Variants in ARHGEF16 observed in about 807,000 individuals in gnomAD.
The protein encoded by ARHGEF16 is Rho guanine exchange factor (GEF) 16.
ARHGEF16 carries 59 observed loss-of-function variants against 74.1 expected under a neutral mutation model. The observed-to-expected ratio is 0.80, with a 90% CI of 0.65 to 0.99. ARHGEF16 has a LOEUF of 0.99. ARHGEF16 is among the 50% of genes least tolerant of loss of function. The probability of loss-of-function intolerance (pLI) is 0.00; values close to 1 mark genes in which losing one functional copy is unlikely to be tolerated. For synonymous variants in ARHGEF16, 415 were observed against 412.6 expected, an observed-to-expected ratio of 1.01 and a Z score of -0.07; for missense variants, 948 against 986.6, an observed-to-expected ratio of 0.96 and a Z score of 0.52.
In ARHGEF16 at chr1:3,480,508, C is replaced by T. The variant is rs1354823928; in HGVS notation, c.2051C>T (p.Ala684Val). ...GETGWFPEDF[A>V]RFITSRVAVE... The stretch of plus-strand genomic sequence containing the variant: ...ACGGGATGGTTCCCCGAGGACTTTG[C>T]CCGCTTCATCACCAGCCGTGTGGCC... The change falls in exon 15 of 15, where the codon GCC (alanine) becomes GTC (valine). Residue 684 changes from alanine (A) to valine (V), a missense_variant. By Grantham distance (64) the Ala-to-Val change is moderately conservative (BLOSUM62 0). Coordinates refer to ENST00000378378, the MANE Select transcript of ARHGEF16 (RefSeq NM_014448.4). 1 of 1,612,496 alleles carries T rather than the reference C, an allele frequency of 6.2e-7. No homozygotes were observed. The highest frequency in any genetic ancestry group is 8.5e-7 in the Non-Finnish European group (1 of 1,179,972).
At chr1:3,455,907 A>C (rs10909946) in intron 1 of ARHGEF16, among the ~76,000 whole-genome samples, 38,711 of 152,050 alleles carry the variant, frequency 0.25, 7,175 homozygotes, top group African/African-American at 0.52. Flanking sequence ...GCAGACGTGG[A>C]CCCTGCTGTG....
intron 12 of ARHGEF16, among the ~76,000 whole-genome samples, chr1:3,479,218 G>C (rs1409919479): frequency 6.6e-6 from 1 of 152,210 alleles, no homozygotes; most frequent in Non-Finnish European, 1.5e-5. Context: ...GGATGCTGAG[G>C]CTGAGTCTGT....
At position 3,475,996 on chromosome 1, in the gene ARHGEF16, C is replaced by T. The variant is rs1039054230; in HGVS notation, c.1407C>T (p.Ala469=). ...SKLVRQCNEG[A]HRMERMEQMY... The stretch of plus-strand genomic sequence containing the variant: ...TGGTGAGGCAGTGCAACGAGGGGGC[C>T]CACAGGATGGAGCGCATGGAGCAGA... Residue 469 remains alanine (A), a synonymous_variant, in exon 10 of 15, where the codon GCC becomes GCT. Transcript: ENST00000378378. The T allele has an allele frequency of 6.4e-7, 1 of 1,556,336 alleles. No homozygotes were observed. The highest frequency in any genetic ancestry group is 1.4e-5 in the African/African-American group (1 of 73,474).
intron 4 of ARHGEF16, among the ~76,000 whole-genome samples, chr1:3,467,669 G>T (rs998694557): frequency 6.6e-6 from 1 of 152,192 alleles, no homozygotes; most frequent in Non-Finnish European, 1.5e-5. Flanking sequence ...ATCTGCGTAG[G>T]GAGACAGCTG....
intron 5 of ARHGEF16, 48 bp from the exon 6 acceptor site, chr1:3,469,385 G>A (rs777534167): frequency 1.0e-5 from 16 of 1,602,318 alleles, no homozygotes; most frequent in Middle Eastern, 1.7e-4. Flanking sequence ...ACCGAGGCAC[G>A]CCCGTGTCCA....
Position 3,469,040 on chromosome 1 carries a change from G to C in ARHGEF16, c.861+104G>C. Reference sequence around the variant, plus strand: ...GGCACCACCCAGCCATCCCTCTGCGGCCACCTCCAGTGCCAGGCCCTGTCA... The same window carrying C: ...GGCACCACCCAGCCATCCCTCTGCGCCCACCTCCAGTGCCAGGCCCTGTCA... On this transcript the variant is annotated intron_variant, in intron 5 of 14. Transcript: ENST00000378378. 3.6e-6 allele frequency: 5 copies of C among 1,375,682 alleles called. No individual in the cohort carries two copies. The Middle Eastern group carries it at 7.4e-4, about 203-fold the overall frequency. 85.2% of individuals were successfully genotyped at this position (1,375,682 alleles called of 1,614,324 possible).
rs199967083 is a variant in ARHGEF16, at chr1:3,475,959, A to G, written c.1381-11A>G. The G allele has an allele frequency of 2.7e-3, 4,172 of 1,549,256 alleles. 4 individuals are homozygous for G. Among genetic ancestry groups the G allele is most frequent in the Non-Finnish European group, 3.4e-3 (3,926 of 1,146,282 alleles). On this transcript the variant is annotated splice_polypyrimidine_tract_variant and intron_variant, in intron 9 of 14. Transcript: ENST00000378378. ...AGCACCAGCCTCTCACACGGGAACC[A>G]TGCCCTGCAGCTGGTGAGGCAGTGC...
intron 14 of ARHGEF16, 123 bp from the exon 15 acceptor site, chr1:3,480,325 G>T: frequency 7.2e-7 from 1 of 1,380,846 alleles, no homozygotes; most frequent in Non-Finnish European, 9.8e-7. Flanking sequence ...TCTGCTCTGA[G>T]CAGGAGCAGG....
intron 6 of ARHGEF16, chr1:3,471,782 G>C (rs1379504179): frequency 1.8e-6 from 2 of 1,109,956 alleles, no homozygotes; most frequent in Admixed American, 4.9e-5. Context: ...GGGAATCATC[G>C]CTATTTGGGG....
chr1:3,464,313 T>A (rs1292510358), intron 2 of ARHGEF16, among the ~76,000 whole-genome samples: 1 of 152,156 alleles, frequency 6.6e-6, no homozygotes, highest in Admixed American at 6.5e-5. Flanking sequence ...GTGTCCCTCA[T>A]CCTCGGAGTC....
chr1:3,460,575 G>A (rs1482021671), intron 1 of ARHGEF16, among the ~76,000 whole-genome samples: 2 of 152,194 alleles, frequency 1.3e-5, no homozygotes, highest in Non-Finnish European at 2.9e-5. Flanking sequence ...GCCGTAGACC[G>A]CCTACGCTGG....
rs564963627 is a variant in ARHGEF16, at chr1:3,462,002, CAG to C, written c.-19-1063_-19-1062del. Among the ~76,000 whole-genome samples, 22 of 152,016 alleles carry C rather than the reference CAG, an allele frequency of 1.4e-4. No homozygotes were observed. In the South Asian group the frequency reaches 4.6e-3, roughly 32 times the overall value. On this transcript the variant is annotated intron_variant, in intron 1 of 14. Coordinates refer to ENST00000378378, the MANE Select transcript of ARHGEF16 (RefSeq NM_014448.4). Reference sequence around the variant, plus strand: ...AGTGAGAAATGGGAAGCAGTAGTGTCAGGGGCAGGGTGCCAGCCCCGGACCAT... The same window carrying C: ...AGTGAGAAATGGGAAGCAGTAGTGTCGGGCAGGGTGCCAGCCCCGGACCAT...
Position 3,478,032 on chromosome 1 carries a change from C to G in ARHGEF16, c.1625+6C>G, listed in dbSNP as rs1451064692. The G allele has an allele frequency of 1.2e-6, 2 of 1,612,554 alleles. No homozygotes were observed. The highest frequency in any genetic ancestry group is 1.3e-5 in the African/African-American group (1 of 74,936). On this transcript the variant is annotated splice_donor_region_variant and intron_variant, in intron 11 of 14. Transcript: ENST00000378378. ...GTTGTGACCAAGAAGAAGAGGTGGC[C>G]TTAGGGCAGGAGGGTGTGGGGAGCC...
rs555468581 is a variant in ARHGEF16 at position 3,463,272 on chromosome 1, C to T, written c.188C>T (p.Pro63Leu). ...CCGGCACCCCCACAGCCTCGGCCCCCGGGGCACGAGGAGCCATGGCCCATC... is the reference window on the plus strand; with the variant it reads ...CCGGCACCCCCACAGCCTCGGCCCCTGGGGCACGAGGAGCCATGGCCCATC... ...QVPAPPQPRP[P>L]GHEEPWPIVL... The change falls in exon 2 of 15, where the codon CCG becomes CTG. Residue 63 changes from proline to leucine, a missense_variant. By Grantham distance (98) the Pro-to-Leu change is moderately conservative (BLOSUM62 -3). Transcript: ENST00000378378. 3.3e-5 allele frequency: 51 copies of T among 1,549,744 alleles called. No homozygotes were observed. Among genetic ancestry groups the T allele is most frequent in the Admixed American group, 5.9e-5 (3 of 50,972 alleles).
chr1:3,466,088 G>C, intron 2 of ARHGEF16, 60 bp from the exon 3 acceptor site: 4 of 1,536,130 alleles, frequency 2.6e-6, no homozygotes, highest in Non-Finnish European at 3.5e-6. Flanking sequence ...GGGCAGAATC[G>C]CCGTGGGCAA....
At chr1:3,479,462 A>T in intron 12 of ARHGEF16, 55 bp from the exon 13 acceptor site, 5 of 1,591,874 alleles carry the variant, frequency 3.1e-6, no homozygotes, top group Non-Finnish European at 4.3e-6. Context: ...GTCAAGGAAC[A>T]TCAGACGGGC....
At chr1:3,476,244 G>A (rs929004325) in intron 10 of ARHGEF16, among the ~76,000 whole-genome samples, 182 bp downstream of exon 10, 34 of 152,126 alleles carry the variant, frequency 2.2e-4, no homozygotes, top group African/African-American at 1.2e-4. Flanking sequence ...TCAGTCTCCC[G>A]ATCTGGGAGC....
chr1:3,467,625 T>C (rs1639585333), intron 4 of ARHGEF16, among the ~76,000 whole-genome samples: 1 of 152,110 alleles, frequency 6.6e-6, no homozygotes, highest in African/African-American at 2.4e-5. Flanking sequence ...AGGAGTCCCT[T>C]CCCAGGGCCC....
rs551301230 is a variant in ARHGEF16 at position 3,467,571 on chromosome 1, G to A, written c.804+234G>A. Among the ~76,000 whole-genome samples, 73 of 152,342 alleles carry A rather than the reference G, an allele frequency of 4.8e-4. 1 individual carries two copies. The highest frequency in any genetic ancestry group is 6.8e-3 in the Middle Eastern group (2 of 294). On this transcript the variant is annotated intron_variant, in intron 4 of 14. Coordinates refer to ENST00000378378, the MANE Select transcript of ARHGEF16 (RefSeq NM_014448.4). ...CAGGGCCCTGCCGTCGTGCGTGCGA[G>A]GGCCAGCCCTGCTCAGACTACCCTT... is the stretch of plus-strand genomic sequence containing the variant.
Sources: gnomAD v4.1 joint callset for allele counts (sites outside exome capture counted in the v4.1 genomes callset) on GRCh38, gnomAD v4.1.1 for gene constraint, MANE v1.5 for transcripts, NCBI Gene and HGNC (gene_info 2026-07-23, HGNC 2026-07-21) for gene names.